Variants in INPP4B observed in about 807,000 individuals in gnomAD.
The protein encoded by INPP4B is inositol polyphosphate 4-phosphatase type II.
A neutral mutation model predicts 122.5 loss-of-function variants in INPP4B; 55 were observed. The ratio of observed to expected loss-of-function variants is 0.45; its 90% CI spans 0.36 to 0.56. The LOEUF is 0.56. INPP4B is among the 20% of genes least tolerant of loss of function. The probability of loss-of-function intolerance (pLI) is 0.00; values close to 1 mark genes in which losing one functional copy is unlikely to be tolerated. For synonymous variants in INPP4B, 403 were observed against 388.7 expected (o/e 1.04, Z -0.43); for missense variants, 1,000 against 1,097.7 (o/e 0.91, Z 1.26).
chr4:142,397,405 T>C (rs1246729935), intron 7 of INPP4B, among the ~76,000 whole-genome samples: 1 of 152,232 alleles, frequency 6.6e-6, no homozygotes, highest in Non-Finnish European at 1.5e-5. Context: ...CCATGAATAA[T>C]TGACCACTTC....
chr4:142,200,479 G>A (rs1319951684), intron 14 of INPP4B, among the ~76,000 whole-genome samples: 1 of 151,672 alleles, frequency 6.6e-6, no homozygotes, highest in East Asian at 1.9e-4. Context: ...TCATTAGCTA[G>A]GACTAGAAAA....
intron 2 of INPP4B, among the ~76,000 whole-genome samples, chr4:142,636,537 A>G (rs1749202982): frequency 6.6e-6 from 1 of 152,124 alleles, no homozygotes; most frequent in African/African-American, 2.4e-5. Context: ...GAAAGAAGGC[A>G]CTAAATAAAT....
chr4:142,487,818 C>A (rs79705779), intron 2 of INPP4B, among the ~76,000 whole-genome samples: 1 of 152,062 alleles, frequency 6.6e-6, no homozygotes, highest in South Asian at 2.1e-4. Context: ...CTTTTAGTTG[C>A]CTTTTTGATT....
intron 7 of INPP4B, among the ~76,000 whole-genome samples, chr4:142,335,723 T>G (rs1409371182): frequency 6.6e-6 from 1 of 152,234 alleles, no homozygotes; most frequent in African/African-American, 2.4e-5. Context: ...GTCAGTTGAC[T>G]TTTAAAAATG....
chr4:142,638,834 C>A (rs971979563), intron 2 of INPP4B, among the ~76,000 whole-genome samples: 2 of 152,166 alleles, frequency 1.3e-5, no homozygotes, highest in Non-Finnish European at 2.9e-5. Context: ...GCATGAGCCA[C>A]CATGCCCGGC....
intron 11 of INPP4B, among the ~76,000 whole-genome samples, chr4:142,258,425 A>C (rs1175464649): frequency 7.2e-5 from 11 of 152,058 alleles, no homozygotes; most frequent in African/African-American, 1.4e-4. Flanking sequence ...CAACCTACAA[A>C]ATGGGAGAAA....
chr4:142,311,622 G>T (rs751187654), intron 8 of INPP4B, among the ~76,000 whole-genome samples: 70 of 152,242 alleles, frequency 4.6e-4, no homozygotes, highest in Admixed American at 6.5e-4. Context: ...AGACATGACT[G>T]ATTGCCTATC....
chr4:142,769,328 C>T (rs1053402248), intron 1 of INPP4B, among the ~76,000 whole-genome samples: 1 of 152,122 alleles, frequency 6.6e-6, no homozygotes, highest in Non-Finnish European at 1.5e-5. Flanking sequence ...GTGAGAAAGG[C>T]ACAGAGAGGT....
rs1763166143 is a variant in INPP4B at position 142,305,885 on chromosome 4, T to A, written c.424-348A>T. 3 of 1,062,486 alleles carry A rather than the reference T, an allele frequency of 2.8e-6. No individual in the cohort carries two copies. The South Asian group carries it at 8.4e-5, about 30-fold the overall frequency. The allele number at this position is 1,062,486 out of a possible 1,614,324, so 65.8% of individuals were successfully genotyped here. The stretch of plus-strand genomic sequence containing the variant: ...ATATTTTCCATATTTACCAATGCTG[T>A]TGTTCCTCTTATTAGAATTCCTCAA... On this transcript the variant is annotated intron_variant, in intron 8 of 25. Transcript: ENST00000262992.
At chr4:142,712,266 G>A (rs1763209435) in intron 2 of INPP4B, among the ~76,000 whole-genome samples, 1 of 152,104 alleles carries the variant, frequency 6.6e-6, no homozygotes, top group African/African-American at 2.4e-5. Flanking sequence ...CATAGCAGTA[G>A]GGTGACTAAG....
intron 2 of INPP4B, among the ~76,000 whole-genome samples, chr4:142,669,541 G>T (rs1417216423): frequency 1.3e-5 from 2 of 152,002 alleles, no homozygotes; most frequent in Non-Finnish European, 2.9e-5. Context: ...TTGGACAAAG[G>T]CACTAAGATT....
chr4:142,031,465 T>C (rs1223834872), intron 25 of INPP4B, among the ~76,000 whole-genome samples: 3 of 152,198 alleles, frequency 2.0e-5, no homozygotes, highest in South Asian at 2.1e-4. Flanking sequence ...ACAATATGAA[T>C]TAGTGTAAAA....
intron 5 of INPP4B, among the ~76,000 whole-genome samples, 197 bp downstream of exon 5, chr4:142,428,976 C>A (rs191442923): frequency 6.6e-6 from 1 of 151,912 alleles, no homozygotes; most frequent in Non-Finnish European, 1.5e-5. Context: ...CATCACTGAA[C>A]CCTGTATCCT....
At chr4:142,707,730 C>A (rs1030474880) in intron 2 of INPP4B, among the ~76,000 whole-genome samples, 4 of 152,190 alleles carry the variant, frequency 2.6e-5, no homozygotes. Context: ...ATTACCCAGT[C>A]TCAAGTAGTT....
chr4:142,294,601 T>C (rs555913866), intron 9 of INPP4B, among the ~76,000 whole-genome samples: 1 of 151,922 alleles, frequency 6.6e-6, no homozygotes, highest in South Asian at 2.1e-4. Context: ...GCTCTCTTGC[T>C]GGATGAAATT....
At position 142,406,662 on chromosome 4, in the gene INPP4B, G is replaced by A. The variant is rs182343915; in HGVS notation, c.137-1338C>T. On this transcript the variant is annotated intron_variant, in intron 5 of 25. Transcript: ENST00000262992. Reference sequence around the variant, plus strand: ...TCCTGCTGCTTCTGTATGGCGTTTTGTCATATACTTTTTTTTCCTTATATA... The same window carrying A: ...TCCTGCTGCTTCTGTATGGCGTTTTATCATATACTTTTTTTTCCTTATATA... Among the ~76,000 whole-genome samples, 588 of 152,246 alleles carry A rather than the reference G, an allele frequency of 3.9e-3. 3 individuals carry two copies. The highest frequency in any genetic ancestry group is 0.013 in the African/African-American group (545 of 41,534).
intron 1 of INPP4B, among the ~76,000 whole-genome samples, chr4:142,777,707 G>A (rs764619689): frequency 5.9e-5 from 9 of 152,094 alleles, no homozygotes; most frequent in Non-Finnish European, 1.0e-4. Context: ...ACAATCATAC[G>A]AGGCAATGAT....
intron 2 of INPP4B, among the ~76,000 whole-genome samples, chr4:142,467,024 T>C (rs571120848): frequency 1.1e-4 from 16 of 152,196 alleles, no homozygotes; most frequent in Admixed American, 2.6e-4. Flanking sequence ...AGAGGATGTA[T>C]AGGAAAGATT....
At chr4:142,121,518 A>G (rs558241888) in intron 21 of INPP4B, among the ~76,000 whole-genome samples, 2 of 152,208 alleles carry the variant, frequency 1.3e-5, no homozygotes, top group African/African-American at 2.4e-5. Flanking sequence ...ACAACTTACT[A>G]TAAGATGTAC....
Sources: gnomAD v4.1 joint callset for allele counts (sites outside exome capture counted in the v4.1 genomes callset) on GRCh38, gnomAD v4.1.1 for gene constraint, MANE v1.5 for transcripts, NCBI Gene and HGNC (gene_info 2026-07-23, HGNC 2026-07-21) for gene names.